KCNMB2: variants seen among roughly 807,000 people sequenced by gnomAD.
The protein encoded by KCNMB2 is potassium calcium-activated channel subfamily M regulatory beta subunit 2, also known as calcium-activated potassium channel subunit beta-2.
In KCNMB2, 9 loss-of-function variants were observed where a neutral mutation model predicts 24.5. That is an observed-to-expected ratio of 0.37 (90% CI 0.22 to 0.64). The LOEUF (loss-of-function observed/expected upper bound fraction) is 0.64. Among genes scored for constraint, KCNMB2 ranks in the 30% least tolerant of loss-of-function variants. KCNMB2 has a pLI of 0.63. For synonymous variants in KCNMB2, 109 were observed against 104.4 expected (o/e 1.04, Z -0.27); for missense variants, 226 against 284.3 (o/e 0.79, Z 1.47).
intron 1 of KCNMB2, among the ~76,000 whole-genome samples, chr3:178,626,022 CTA>C (rs1719104518): frequency 6.6e-6 from 1 of 152,176 alleles, no homozygotes; most frequent in African/African-American, 2.4e-5. Context: ...ATCAGGGAAA[CTA>C]TTTTAATGAG....
At chr3:178,730,778 C>A (rs183379487) in intron 1 of KCNMB2, among the ~76,000 whole-genome samples, 1 of 152,080 alleles carries the variant, frequency 6.6e-6, no homozygotes, top group Non-Finnish European at 1.5e-5. Context: ...TTGCATCAAG[C>A]CTTCCCCCTG....
intron 1 of KCNMB2, among the ~76,000 whole-genome samples, chr3:178,597,602 C>T (rs1332975927): frequency 1.3e-5 from 2 of 152,130 alleles, no homozygotes; most frequent in Admixed American, 6.6e-5. Flanking sequence ...ACTGTCATTT[C>T]AATTTACTGA....
At chr3:178,685,648 G>A (rs750294576) in intron 1 of KCNMB2, among the ~76,000 whole-genome samples, 3 of 152,178 alleles carry the variant, frequency 2.0e-5, no homozygotes, top group South Asian at 2.1e-4. Flanking sequence ...GGCTATGCAC[G>A]TGGGAAGCTT....
intron 4 of KCNMB2, among the ~76,000 whole-genome samples, chr3:178,838,571 A>C (rs6799411): frequency 0.26 from 10,723 of 41,626 alleles, 429 homozygotes; most frequent in African/African-American, 0.49. Flanking sequence ...ACAGCTCAGC[A>C]AAAAAAAAAA....
intron 1 of KCNMB2, among the ~76,000 whole-genome samples, chr3:178,621,902 A>G (rs1718937181): frequency 1.3e-5 from 2 of 152,184 alleles, no homozygotes; most frequent in African/African-American, 4.8e-5. Context: ...AATTTGATGT[A>G]GTGATTATTA....
intron 1 of KCNMB2, among the ~76,000 whole-genome samples, chr3:178,652,109 G>A (rs1026952896): frequency 1.5e-5 from 1 of 65,722 alleles, no homozygotes; most frequent in Admixed American, 1.3e-4. Flanking sequence ...CACAGCAAAA[G>A]AAACTGTCGT....
chr3:178,718,456 A>G (rs1722690921), intron 1 of KCNMB2, among the ~76,000 whole-genome samples: 1 of 152,210 alleles, frequency 6.6e-6, no homozygotes, highest in African/African-American at 2.4e-5. Context: ...GAAGTTAGGT[A>G]GGCCTGCCTA....
intron 1 of KCNMB2, among the ~76,000 whole-genome samples, chr3:178,603,770 A>G (rs1449583574): frequency 1.3e-5 from 2 of 152,196 alleles, no homozygotes; most frequent in Non-Finnish European, 2.9e-5. Flanking sequence ...TCTGTTGGGA[A>G]TTGGAAATTC....
Position 178,843,510 on chromosome 3 carries a change from C to T in KCNMB2, c.*573C>T, listed in dbSNP as rs943513718. The stretch of plus-strand genomic sequence containing the variant: ...TTTTTTCATCACTTTTTATTCATAA[C>T]TTCAGATTTGTAAAACTAATTTCCA... On this transcript the variant is annotated 3_prime_UTR_variant, in exon 5 of 5. Coordinates refer to ENST00000452583, the MANE Select transcript of KCNMB2 (RefSeq NM_181361.3). The T allele has an allele frequency of 1.7e-5, 3 of 181,012 alleles. No homozygotes were observed. The highest frequency in any genetic ancestry group is 7.2e-5 in the African/African-American group (3 of 41,592). 11.2% of individuals were successfully genotyped at this position (181,012 alleles called of 1,614,324 possible). A position where few individuals can be genotyped will look rare whatever the true frequency, so the allele number is the denominator to read the frequency against.
intron 1 of KCNMB2, among the ~76,000 whole-genome samples, chr3:178,800,816 A>G (rs1198326409): frequency 6.6e-6 from 1 of 152,216 alleles, no homozygotes; most frequent in African/African-American, 2.4e-5. Context: ...AAAATGTGGT[A>G]CATATACACA....
intron 1 of KCNMB2, among the ~76,000 whole-genome samples, chr3:178,724,684 G>T (rs908983536): frequency 1.3e-5 from 2 of 152,244 alleles, no homozygotes; most frequent in African/African-American, 4.8e-5. Flanking sequence ...TTTTGCATAT[G>T]GTGAGAGGTA....
chr3:178,648,174 C>T (rs1443742147), intron 1 of KCNMB2, among the ~76,000 whole-genome samples: 1 of 152,146 alleles, frequency 6.6e-6, no homozygotes, highest in African/African-American at 2.4e-5. Flanking sequence ...TTCACACATT[C>T]ATTCAGAGCT....
chr3:178,823,335 T>C (rs895523788), intron 2 of KCNMB2, among the ~76,000 whole-genome samples: 5 of 152,106 alleles, frequency 3.3e-5, no homozygotes, highest in East Asian at 3.8e-4. Context: ...TCCAGGCCTC[T>C]GGCAATGACC....
intron 1 of KCNMB2, among the ~76,000 whole-genome samples, chr3:178,580,690 T>G (rs1358494654): frequency 6.6e-6 from 1 of 152,162 alleles, no homozygotes; most frequent in Non-Finnish European, 1.5e-5. Flanking sequence ...AAAATCAGTA[T>G]GCAAAAATCA....
rs546414615 is a variant in KCNMB2, at chr3:178,842,948, G to T, written c.*11G>T. 3.8e-6 allele frequency: 6 copies of T among 1,584,190 alleles called. No homozygotes were observed. The highest frequency in any genetic ancestry group is 1.8e-5 in the Admixed American group (1 of 54,510). ...CGGATCAATAGATAAATGCAAAAAT[G>T]GATAAAATAATTTTTGTTAAAGCTC... is the stretch of plus-strand genomic sequence containing the variant. On this transcript the variant is annotated 3_prime_UTR_variant, in exon 5 of 5. Coordinates refer to ENST00000452583, the MANE Select transcript of KCNMB2 (RefSeq NM_181361.3).
At chr3:178,713,687 G>T (rs913484225) in intron 1 of KCNMB2, among the ~76,000 whole-genome samples, 2 of 152,046 alleles carry the variant, frequency 1.3e-5, no homozygotes, top group African/African-American at 2.4e-5. Flanking sequence ...CTGCCCCAAG[G>T]CTCTCCATGG....
At chr3:178,649,995 C>A (rs1720052848) in intron 1 of KCNMB2, among the ~76,000 whole-genome samples, 1 of 152,128 alleles carries the variant, frequency 6.6e-6, no homozygotes, top group Non-Finnish European at 1.5e-5. Context: ...TATAAATTTC[C>A]CTCTAAATGC....
At chr3:178,622,750 G>T (rs148872802) in intron 1 of KCNMB2, among the ~76,000 whole-genome samples, 2 of 152,104 alleles carry the variant, frequency 1.3e-5, no homozygotes, top group African/African-American at 2.4e-5. Flanking sequence ...TTATCCAGGC[G>T]CCCCTGCTGA....
chr3:178,545,100 T>C (rs769532224), intron 1 of KCNMB2, among the ~76,000 whole-genome samples: 5 of 152,114 alleles, frequency 3.3e-5, no homozygotes, highest in African/African-American at 7.2e-5. Flanking sequence ...CACACCATGG[T>C]GTAGAGAGGG....
Sources: allele counts gnomAD v4.1 joint callset (sites outside exome capture counted in the v4.1 genomes callset), GRCh38; gene constraint gnomAD v4.1.1; transcripts MANE v1.5; gene names NCBI Gene and HGNC (gene_info 2026-07-23, HGNC 2026-07-21).